NAP1L1: variants seen among roughly 807,000 people sequenced by gnomAD.
NAP1L1 encodes the protein nucleosome assembly protein 1 like 1, also known as nucleosome assembly protein 1-like 1.
A neutral mutation model predicts 58.9 loss-of-function variants in NAP1L1; 9 were observed. That is an observed-to-expected ratio of 0.15 (90% CI 0.09 to 0.27). The LOEUF is 0.27. NAP1L1 is among the 10% of genes least tolerant of loss of function. The probability of loss-of-function intolerance (pLI) is 1.00; values close to 1 mark genes in which losing one functional copy is unlikely to be tolerated. For missense variants in NAP1L1, 302 were observed against 458.8 expected, an observed-to-expected ratio of 0.66 and a Z score of 3.12; for synonymous variants, 130 against 138.3, an observed-to-expected ratio of 0.94 and a Z score of 0.42.
intron 14 of NAP1L1, 89 bp downstream of exon 14, chr12:76,049,111 T>G: frequency 7.5e-7 from 1 of 1,328,120 alleles, no homozygotes; most frequent in South Asian, 1.2e-5. Flanking sequence ...TATTAAAGAC[T>G]TTAACGGAGA....
intron 1 of NAP1L1, among the ~76,000 whole-genome samples, chr12:76,082,280 TCA>T (rs1491175426): frequency 6.6e-6 from 1 of 152,194 alleles, no homozygotes; most frequent in African/African-American, 2.4e-5. Context: ...TAGAATCAAC[TCA>T]GTTTTACCAG....
At chr12:76,056,629 A>G (rs1949103294) in intron 6 of NAP1L1, 1 of 455,880 alleles carries the variant, frequency 2.2e-6, no homozygotes, top group Non-Finnish European at 4.4e-6. Flanking sequence ...CAAGTCACTT[A>G]GAAGCCTCCA....
chr12:76,064,073 G>A (rs1049040017), intron 4 of NAP1L1, among the ~76,000 whole-genome samples: 1 of 152,076 alleles, frequency 6.6e-6, no homozygotes, highest in African/African-American at 2.4e-5. Flanking sequence ...GGAGGCTGAG[G>A]TGGGAGGATC....
At chr12:76,068,665 T>C (rs1237507544) in intron 3 of NAP1L1, 2 of 353,548 alleles carry the variant, frequency 5.7e-6, no homozygotes, top group African/African-American at 4.3e-5. Flanking sequence ...GTACACCAAG[T>C]CACTCCAACA....
Position 76,040,671 on chromosome 12 carries a change from T to C in NAP1L1, c.*7758A>G, listed in dbSNP as rs1020946848. ...ACCTCCAGAGTTCAATCAATTCTTG[T>C]GCCTCAGCCTCCTGAGTAGCTTGGA... On this transcript the variant is annotated 3_prime_UTR_variant, in exon 15 of 15. Transcript: ENST00000618691. The C allele has an allele frequency of 6.6e-6, 1 of 152,250 alleles. No individual in the cohort carries two copies. Among genetic ancestry groups the C allele is most frequent in the Admixed American group, 6.5e-5 (1 of 15,284 alleles). 9.4% of individuals were successfully genotyped at this position (152,250 alleles called of 1,614,324 possible).
chr12:76,054,323 C>A (rs1304831503), intron 8 of NAP1L1, among the ~76,000 whole-genome samples: 1 of 152,124 alleles, frequency 6.6e-6, no homozygotes, highest in Non-Finnish European at 1.5e-5. Context: ...AGCCACTGCA[C>A]CCAGCCATGA....
At chr12:76,066,053 TAAAA>T (rs751319470) in intron 4 of NAP1L1, among the ~76,000 whole-genome samples, 2 of 117,324 alleles carry the variant, frequency 1.7e-5, no homozygotes, top group African/African-American at 6.3e-5. Context: ...GAATAGTGTT[TAAAA>T]AAAAAAAAAA....
chr12:76,083,313 A>G (rs1280376729), intron 1 of NAP1L1, among the ~76,000 whole-genome samples: 1 of 152,176 alleles, frequency 6.6e-6, no homozygotes, highest in East Asian at 1.9e-4. Flanking sequence ...CTAATTTATA[A>G]GACAGCCAAG....
chr12:76,050,754 C>T, intron 11 of NAP1L1, 101 bp from the exon 12 acceptor site: 1 of 1,303,390 alleles, frequency 7.7e-7, no homozygotes, highest in Non-Finnish European at 1.0e-6. Context: ...TGGCTCACAA[C>T]TGTAGTCCCA....
At chr12:76,059,712 G>T in intron 6 of NAP1L1, 86 bp downstream of exon 6, 1 of 900,200 alleles carries the variant, frequency 1.1e-6, no homozygotes, top group Non-Finnish European at 1.8e-6. Context: ...ATATAATATT[G>T]TACTCCATCA....
intron 11 of NAP1L1, 117 bp downstream of exon 11, chr12:76,052,974 T>C (rs780618297): frequency 1.2e-6 from 1 of 868,938 alleles, no homozygotes; most frequent in Non-Finnish European, 1.8e-6. Context: ...GTCTGCCCCA[T>C]GCATTGTAGG....
Position 76,056,209 on chromosome 12 carries a change from A to G in NAP1L1, c.430-48T>C, listed in dbSNP as rs749937875. The G allele has an allele frequency of 3.2e-6, 5 of 1,561,358 alleles. No homozygotes were observed. In the African/African-American group the frequency reaches 6.9e-5, roughly 22 times the overall value. On this transcript the variant is annotated intron_variant, in intron 6 of 14. Transcript: ENST00000618691. ...TTATTTAATACATAGATTAGACCTC[A>G]TGATAAAGTAGCAAAGGTATAAAAA...
chr12:76,072,066 CA>C (rs1344113794), intron 2 of NAP1L1, among the ~76,000 whole-genome samples: 1 of 151,296 alleles, frequency 6.6e-6, no homozygotes, highest in Non-Finnish European at 1.5e-5. Flanking sequence ...CTCCAACGCT[CA>C]AATTTTCCAA....
At position 76,064,031 on chromosome 12, in the gene NAP1L1, G is replaced by A. The variant is rs116191730; in HGVS notation, c.206+3340C>T. ...CTCTACAAAAATAACAGCCAGGCATGATGATATGTACCTGTGGCTCCCAGC... is the reference window on the plus strand; with the variant it reads ...CTCTACAAAAATAACAGCCAGGCATAATGATATGTACCTGTGGCTCCCAGC... On this transcript the variant is annotated intron_variant, in intron 4 of 14. Coordinates refer to ENST00000618691, the MANE Select transcript of NAP1L1 (RefSeq NM_004537.7). Among the ~76,000 whole-genome samples, 1,480 of 151,696 alleles carry A rather than the reference G, an allele frequency of 9.8e-3. 22 individuals are homozygous for A. The highest frequency in any genetic ancestry group is 0.033 in the African/African-American group (1,373 of 41,380).
chr12:76,040,604 C>G lies in NAP1L1; in HGVS notation c.*7825G>C, dbSNP rs1052990548. ...TATCTCGGCTCACTGCAACCTCCAC[C>G]TCCCGAGTTCAGTCAATTCTTGTGG... is the stretch of plus-strand genomic sequence containing the variant. On this transcript the variant is annotated 3_prime_UTR_variant, in exon 15 of 15. Transcript: ENST00000618691. 2.0e-5 allele frequency: 3 copies of G among 151,604 alleles called. No homozygotes were observed. Among genetic ancestry groups the G allele is most frequent in the African/African-American group, 7.4e-5 (3 of 40,712 alleles). The allele number at this position is 151,604 out of a possible 1,614,324, so 9.4% of individuals were successfully genotyped here.
chr12:76,068,442 C>T (rs1267462586), intron 3 of NAP1L1: 1 of 152,562 alleles, frequency 6.6e-6, no homozygotes, highest in African/African-American at 2.4e-5. Flanking sequence ...AATCCCCCAC[C>T]ACCACTCCTT....
rs1382604262 is a variant in NAP1L1 at position 76,068,969 on chromosome 12, C to G, written c.43G>C (p.Asp15His). ...DNKEQSELDQ[D>H]LDDVEEVEEE... The stretch of plus-strand genomic sequence containing the variant: ...TCTACTTCTTCAACATCATCCAAAT[C>G]TTGATCAAGTTCAGACTGTTCTTTG... The change falls in exon 3 of 15, where the codon GAT becomes CAT. Residue 15 changes from aspartate to histidine, a missense_variant. Physicochemically the swap from Asp to His is moderately conservative, Grantham distance 81. Transcript: ENST00000618691. 1.9e-6 allele frequency: 3 copies of G among 1,613,200 alleles called. No individual in the cohort carries two copies. The South Asian group carries it at 3.3e-5, about 18-fold the overall frequency.
At chr12:76,079,044 A>G (rs1243275496) in intron 1 of NAP1L1, among the ~76,000 whole-genome samples, 1 of 152,086 alleles carries the variant, frequency 6.6e-6, no homozygotes, top group African/African-American at 2.4e-5. Flanking sequence ...TACATCAGTA[A>G]AAAGGCAAGA....
chr12:76,044,484 A>G lies in NAP1L1; in HGVS notation c.*3945T>C, dbSNP rs1342838934. Reference sequence around the variant, plus strand: ...CTGACTTATTTCCCGCCAGTAATCTATTATTTCTAAATACCCCATTTCTTC... The same window carrying G: ...CTGACTTATTTCCCGCCAGTAATCTGTTATTTCTAAATACCCCATTTCTTC... On this transcript the variant is annotated 3_prime_UTR_variant, in exon 15 of 15. Coordinates refer to ENST00000618691, the MANE Select transcript of NAP1L1 (RefSeq NM_004537.7). The G allele has an allele frequency of 1.3e-5, 2 of 152,202 alleles. No individual in the cohort carries two copies. The highest frequency in any genetic ancestry group is 2.9e-5 in the Non-Finnish European group (2 of 68,032). The allele number at this position is 152,202 out of a possible 1,614,324, so 9.4% of individuals were successfully genotyped here. A position where few individuals can be genotyped will look rare whatever the true frequency, so the allele number is the denominator to read the frequency against.
Sources: gnomAD v4.1 joint callset for allele counts (sites outside exome capture counted in the v4.1 genomes callset) on GRCh38, gnomAD v4.1.1 for gene constraint, MANE v1.5 for transcripts, NCBI Gene and HGNC (gene_info 2026-07-23, HGNC 2026-07-21) for gene names.